Variants in CPNE4 observed in about 807,000 individuals in gnomAD.
The protein encoded by CPNE4 is copine-4.
In CPNE4, 25 loss-of-function variants were observed where a neutral mutation model predicts 67.9. The observed-to-expected ratio is 0.37, with a 90% confidence interval of 0.27 to 0.51. The LOEUF is 0.51. CPNE4 is among the 20% of genes least tolerant of loss of function. CPNE4 has a pLI of 0.93. For missense variants in CPNE4, 464 were observed against 690.8 expected (o/e 0.67, Z 3.68); for synonymous variants, 242 against 244.9 (o/e 0.99, Z 0.11).
intron 1 of CPNE4, among the ~76,000 whole-genome samples, chr3:131,998,071 T>G (rs1201902537): frequency 6.6e-6 from 1 of 152,132 alleles, no homozygotes. Context: ...ATTCAAACCA[T>G]AGCATTTAGC....
At chr3:131,928,940 G>A (rs1225037) in intron 1 of CPNE4, among the ~76,000 whole-genome samples, 61,203 of 151,874 alleles carry the variant, frequency 0.4, 12,478 homozygotes, top group Non-Finnish European at 0.44. Context: ...ATGGTGTCCT[G>A]TAGAGAGGGC....
chr3:132,026,284 A>G (rs889554952), intron 1 of CPNE4, among the ~76,000 whole-genome samples: 8 of 152,252 alleles, frequency 5.3e-5, no homozygotes, highest in African/African-American at 1.9e-4. Context: ...GAAGTGTGAT[A>G]TACAACTGCT....
In CPNE4 at chr3:131,733,345, T is replaced by C. The variant is rs1247232306; in HGVS notation, c.181-9720A>G. Among the ~76,000 whole-genome samples the C allele has an allele frequency of 2.6e-5, 4 of 152,324 alleles. No individual in the cohort carries two copies. The East Asian group carries it at 7.7e-4, about 29-fold the overall frequency. ...TGACTGTTGAGTGTCCAGCACAGTGTTTACCAATCTTCAAACTTTCTCTTC... is the reference window on the plus strand; with the variant it reads ...TGACTGTTGAGTGTCCAGCACAGTGCTTACCAATCTTCAAACTTTCTCTTC... On this transcript the variant is annotated intron_variant, in intron 2 of 15. Coordinates refer to ENST00000429747, the MANE Select transcript of CPNE4 (RefSeq NM_130808.3).
At chr3:131,789,480 G>A (rs1383407206) in intron 2 of CPNE4, among the ~76,000 whole-genome samples, 2 of 152,160 alleles carry the variant, frequency 1.3e-5, no homozygotes, top group Non-Finnish European at 2.9e-5. Context: ...GTGAAACCAT[G>A]GCCAAGTTAT....
At chr3:131,672,310 G>A (rs2080439492) in intron 6 of CPNE4, among the ~76,000 whole-genome samples, 1 of 152,028 alleles carries the variant, frequency 6.6e-6, no homozygotes, top group Non-Finnish European at 1.5e-5. Context: ...GATATCTCCT[G>A]TATATACTGA....
chr3:131,722,276 T>C (rs962370052), intron 3 of CPNE4, among the ~76,000 whole-genome samples: 3 of 152,122 alleles, frequency 2.0e-5, no homozygotes, highest in Non-Finnish European at 4.4e-5. Context: ...TCTTAAGACA[T>C]ATAATTTGGA....
intron 14 of CPNE4, among the ~76,000 whole-genome samples, chr3:131,545,803 C>T (rs532352230): frequency 6.6e-6 from 1 of 152,288 alleles, no homozygotes; most frequent in South Asian, 2.1e-4. Context: ...GTGGCTCACG[C>T]CTGTAATCCT....
At position 131,978,452 on chromosome 3, in the gene CPNE4, ATATATT is replaced by A. The variant is rs1207014399; in HGVS notation, c.-2+56109_-2+56114del. On this transcript the variant is annotated intron_variant, in intron 1 of 15. Transcript: ENST00000429747. ...TTTATATATTTATATATATTTATAT[ATATATT>A]TATATATATTTATATATTTATATAT... Among the ~76,000 whole-genome samples the A allele has an allele frequency of 1.0e-4, 2 of 19,328 alleles. 1 individual carries two copies. The highest frequency in any genetic ancestry group is 1.8e-4 in the Non-Finnish European group (2 of 11,412). 12.7% of individuals were successfully genotyped at this position (19,328 alleles called of 152,430 possible). A position where few individuals can be genotyped will look rare whatever the true frequency, so the allele number is the denominator to read the frequency against.
chr3:131,985,093 T>TC (rs1345690528), intron 1 of CPNE4, among the ~76,000 whole-genome samples: 1 of 152,188 alleles, frequency 6.6e-6, no homozygotes, highest in Non-Finnish European at 1.5e-5. Context: ...TTGTGAGGGC[T>TC]CCCTTCCAAG....
intron 5 of CPNE4, among the ~76,000 whole-genome samples, chr3:131,695,799 T>C (rs906217418): frequency 3.3e-5 from 5 of 152,220 alleles, no homozygotes; most frequent in African/African-American, 1.2e-4. Context: ...ATAATTAGTT[T>C]ATAAGGATAA....
chr3:131,928,721 T>C (rs1310142882), intron 1 of CPNE4, among the ~76,000 whole-genome samples: 4 of 152,224 alleles, frequency 2.6e-5, no homozygotes, highest in Admixed American at 1.3e-4. Context: ...GTGACCACTG[T>C]GCTGTCCACA....
At chr3:131,771,613 C>T (rs2083168001) in intron 2 of CPNE4, among the ~76,000 whole-genome samples, 1 of 152,112 alleles carries the variant, frequency 6.6e-6, no homozygotes. Context: ...TGAGACCTCA[C>T]CAGAAGCAGA....
chr3:131,986,319 T>C (rs1048063888), intron 1 of CPNE4, among the ~76,000 whole-genome samples: 50 of 152,196 alleles, frequency 3.3e-4, no homozygotes, highest in African/African-American at 1.1e-3. Context: ...CATGATGTCA[T>C]TGAATAATTT....
chr3:131,844,221 G>A (rs1181465386), intron 2 of CPNE4, among the ~76,000 whole-genome samples: 1 of 151,002 alleles, frequency 6.6e-6, no homozygotes, highest in East Asian at 1.9e-4. Context: ...ACAGGTAAAA[G>A]CACTCTTTAT....
At chr3:131,987,631 A>ACC (rs556759213) in intron 1 of CPNE4, among the ~76,000 whole-genome samples, 1 of 151,586 alleles carries the variant, frequency 6.6e-6, no homozygotes, top group African/African-American at 2.4e-5. Context: ...CACGTGATCC[A>ACC]CCCCCCTTGG....
chr3:131,990,173 A>T lies in CPNE4; in HGVS notation c.-2+44394T>A, dbSNP rs75295709. Among the ~76,000 whole-genome samples the T allele has an allele frequency of 5.6e-3, 760 of 136,658 alleles. 52 individuals carry two copies. The highest frequency in any genetic ancestry group is 0.017 in the African/African-American group (714 of 40,846). 89.7% of individuals were successfully genotyped at this position (136,658 alleles called of 152,430 possible). A position where few individuals can be genotyped will look rare whatever the true frequency, so the allele number is the denominator to read the frequency against. On this transcript the variant is annotated intron_variant, in intron 1 of 15. Coordinates refer to ENST00000429747, the MANE Select transcript of CPNE4 (RefSeq NM_130808.3). Reference sequence around the variant, plus strand: ...ATACAAGTCTCTGTAAACTTATATGACCACATCTCCAAGATAGAAAGATTT... The same window carrying T: ...ATACAAGTCTCTGTAAACTTATATGTCCACATCTCCAAGATAGAAAGATTT...
intron 1 of CPNE4, among the ~76,000 whole-genome samples, chr3:132,010,871 A>G (rs911856984): frequency 4.0e-5 from 6 of 151,840 alleles, no homozygotes; most frequent in South Asian, 2.1e-4. Flanking sequence ...CTTTTTTCCA[A>G]ACCCCAAGAA....
At chr3:131,785,612 C>T (rs1011997374) in intron 2 of CPNE4, among the ~76,000 whole-genome samples, 3 of 151,768 alleles carry the variant, frequency 2.0e-5, no homozygotes, top group African/African-American at 4.8e-5. Flanking sequence ...TCTTGTTCTT[C>T]GGGTAAAAAT....
At chr3:131,817,862 T>C (rs1222135873) in intron 2 of CPNE4, among the ~76,000 whole-genome samples, 1 of 152,198 alleles carries the variant, frequency 6.6e-6, no homozygotes. Context: ...CCACCTCTCC[T>C]AAATGAAAAG....
Sources: allele counts gnomAD v4.1 joint callset (sites outside exome capture counted in the v4.1 genomes callset), GRCh38; gene constraint gnomAD v4.1.1; transcripts MANE v1.5; gene names NCBI Gene and HGNC (gene_info 2026-07-23, HGNC 2026-07-21).